Variants in FOXN3 observed in about 807,000 individuals in gnomAD.
FOXN3 encodes the protein forkhead box protein N3.
A neutral mutation model predicts 38.4 loss-of-function variants in FOXN3; 7 were observed. The observed-to-expected ratio is 0.18, with a 90% CI of 0.10 to 0.34. The LOEUF is 0.34. Among genes scored for constraint, FOXN3 ranks in the 10% least tolerant of loss-of-function variants. The probability of loss-of-function intolerance (pLI) is 1.00; values close to 1 mark genes in which losing one functional copy is unlikely to be tolerated. For missense variants in FOXN3, 456 were observed against 613.4 expected (o/e 0.74, Z 2.71); for synonymous variants, 230 against 242.2 (o/e 0.95, Z 0.47).
chr14:89,394,684 C>T (rs188909002), intron 2 of FOXN3, among the ~76,000 whole-genome samples: 5 of 152,354 alleles, frequency 3.3e-5, no homozygotes, highest in East Asian at 3.9e-4. Context: ...TACATGCATG[C>T]GCTGAGCGCC....
At chr14:89,517,421 G>A (rs952591394) in intron 1 of FOXN3, among the ~76,000 whole-genome samples, 4 of 150,478 alleles carry the variant, frequency 2.7e-5, no homozygotes, top group Non-Finnish European at 5.9e-5. Flanking sequence ...CAGGAAGCAC[G>A]ATGGCTTCTG....
chr14:89,222,149 C>T (rs574692234), intron 4 of FOXN3, among the ~76,000 whole-genome samples: 8 of 152,300 alleles, frequency 5.3e-5, no homozygotes, highest in Admixed American at 2.6e-4. Flanking sequence ...TAGTTGTCAC[C>T]GTGGAAACCC....
At chr14:89,562,288 T>C (rs1895266612) in intron 1 of FOXN3, among the ~76,000 whole-genome samples, 1 of 152,056 alleles carries the variant, frequency 6.6e-6, no homozygotes, top group Admixed American at 6.6e-5. Context: ...TGAGACAGAG[T>C]CTTGCTCTGT....
intron 2 of FOXN3, among the ~76,000 whole-genome samples, chr14:89,390,223 T>TA (rs1360678845): frequency 7.1e-6 from 1 of 139,864 alleles, no homozygotes. Flanking sequence ...GAGACTCCCT[T>TA]TAAAAAAAAA....
chr14:89,427,553 C>T (rs1215215983), intron 1 of FOXN3, among the ~76,000 whole-genome samples: 5 of 149,494 alleles, frequency 3.3e-5, no homozygotes, highest in African/African-American at 1.2e-4. Context: ...TCCTAGACCT[C>T]GTGATCCACC....
intron 1 of FOXN3, among the ~76,000 whole-genome samples, chr14:89,545,817 C>T (rs1347309533): frequency 3.3e-5 from 5 of 152,192 alleles, no homozygotes; most frequent in South Asian, 2.1e-4. Context: ...CCTTCACAAA[C>T]GCCACCCCAG....
Position 89,447,814 on chromosome 14 carries a change from C to CTTTTTTTTTT in FOXN3, c.-14-35334_-14-35325dup, listed in dbSNP as rs3057950. Among the ~76,000 whole-genome samples the CTTTTTTTTTT allele has an allele frequency of 5.0e-4, 46 of 92,798 alleles. 5 individuals carry two copies. Among genetic ancestry groups the CTTTTTTTTTT allele is most frequent in the African/African-American group, 1.4e-3 (33 of 23,976 alleles). 60.9% of individuals were successfully genotyped at this position (92,798 alleles called of 152,430 possible). A position where few individuals can be genotyped will look rare whatever the true frequency, so the allele number is the denominator to read the frequency against. ...CAGTGGTTTCCTGATGCCTTTCTTC[C>CTTTTTTTTTT]TTTTTTTTTTTTTTTTTTTTTTGAG... On this transcript the variant is annotated intron_variant, in intron 1 of 6. Transcript: ENST00000345097.
At chr14:89,442,765 ATTTACTCCAACCAGCCAGTC>A (rs1892413486) in intron 1 of FOXN3, among the ~76,000 whole-genome samples, 1 of 149,868 alleles carries the variant, frequency 6.7e-6, no homozygotes, top group South Asian at 2.1e-4. Flanking sequence ...ACCAGCCAGT[ATTTACTCCAACCAGCCAGTC>A]TTTCCCAGCC....
At chr14:89,456,308 T>G (rs998326936) in intron 1 of FOXN3, among the ~76,000 whole-genome samples, 18 of 152,064 alleles carry the variant, frequency 1.2e-4, no homozygotes, top group African/African-American at 4.3e-4. Context: ...TATGTGGGTA[T>G]CCCAGGCCCA....
chr14:89,548,391 C>G lies in FOXN3; in HGVS notation c.-15+70637G>C, dbSNP rs191524193. 2.0e-4 allele frequency among the ~76,000 whole-genome samples: 30 copies of G among 152,276 alleles called. No individual in the cohort carries two copies. Among genetic ancestry groups the G allele is most frequent in the Admixed American group, 1.6e-3 (24 of 15,290 alleles). ...AAGATGTGCACATATCACAGCATTACTTATTTATTTACTCTTGCTAATATA... is the reference window on the plus strand; with the variant it reads ...AAGATGTGCACATATCACAGCATTAGTTATTTATTTACTCTTGCTAATATA... On this transcript the variant is annotated intron_variant, in intron 1 of 6. Coordinates refer to the FOXN3 transcript ENST00000345097. The surrounding 1 kb of genome is among the most constrained non-coding windows in gnomAD (Gnocchi z 4.8).
At position 89,324,451 on chromosome 14, in the gene FOXN3, T is replaced by C. The variant is rs866880564; in HGVS notation, c.680+26221A>G. Among the ~76,000 whole-genome samples, 26 of 111,378 alleles carry C rather than the reference T, an allele frequency of 2.3e-4. 1 individual carries two copies. The highest frequency in any genetic ancestry group is 7.9e-4 in the African/African-American group (22 of 27,816). 73.1% of individuals were successfully genotyped at this position (111,378 alleles called of 152,430 possible). On this transcript the variant is annotated intron_variant, in intron 3 of 5. Transcript: ENST00000557258. ...AAACAGCTAAGTGTGTGCGTGTGTG[T>C]GTGTGTGTGTGTGTGTGTGTGTGTG...
At chr14:89,203,431 C>T (rs2139821705) in intron 4 of FOXN3, among the ~76,000 whole-genome samples, 1 of 152,300 alleles carries the variant, frequency 6.6e-6, no homozygotes, top group Non-Finnish European at 1.5e-5. Flanking sequence ...GTTCTCCCTC[C>T]CACATAGACC....
intron 4 of FOXN3, among the ~76,000 whole-genome samples, chr14:89,231,770 G>A (rs894685366): frequency 6.6e-6 from 1 of 152,108 alleles, no homozygotes; most frequent in Non-Finnish European, 1.5e-5. Flanking sequence ...CCTCTATGCT[G>A]GGGCACAAGG....
chr14:89,334,753 TTTGTTTTGAGACAGAATCTTGCTCC>T (rs568814108), intron 3 of FOXN3, among the ~76,000 whole-genome samples: 2,906 of 152,188 alleles, frequency 0.019, 53 homozygotes, highest in African/African-American at 0.038. Flanking sequence ...CTTTGTTTGT[TTTGTTTTGAGACAGAATCTTGCTCC>T]TTGTTTTGAG....
At chr14:89,323,547 C>T (rs1887955807) in intron 3 of FOXN3, among the ~76,000 whole-genome samples, 1 of 151,694 alleles carries the variant, frequency 6.6e-6, no homozygotes, top group Non-Finnish European at 1.5e-5. Flanking sequence ...GGTGAAACCC[C>T]GTCTCTACTA....
chr14:89,206,308 A>C (rs1888383981), intron 4 of FOXN3, among the ~76,000 whole-genome samples: 1 of 152,184 alleles, frequency 6.6e-6, no homozygotes, highest in Admixed American at 6.5e-5. Flanking sequence ...AAAGGAGGTG[A>C]GCTCGGGCCA....
At chr14:89,568,781 T>C (rs550155491) in intron 1 of FOXN3, among the ~76,000 whole-genome samples, 2 of 152,342 alleles carry the variant, frequency 1.3e-5, no homozygotes, top group South Asian at 4.1e-4. Flanking sequence ...ATAAATAAAA[T>C]GCTTATTTAT....
intron 1 of FOXN3, among the ~76,000 whole-genome samples, chr14:89,596,788 T>C (rs1896063310): frequency 6.6e-6 from 1 of 152,238 alleles, no homozygotes; most frequent in Non-Finnish European, 1.5e-5. Flanking sequence ...TCCTCTAAAA[T>C]GTCAAATATA....
chr14:89,524,518 A>G (rs565872746), intron 1 of FOXN3, among the ~76,000 whole-genome samples: 24 of 151,570 alleles, frequency 1.6e-4, no homozygotes, highest in African/African-American at 5.8e-4. Context: ...AAAATCAAAT[A>G]AAAACAAAAG....
Sources: allele counts gnomAD v4.1 joint callset (sites outside exome capture counted in the v4.1 genomes callset), GRCh38; gene constraint gnomAD v4.1.1; non-coding constraint Gnocchi (gnomAD v3.1); transcripts MANE v1.5; gene names NCBI Gene and HGNC (gene_info 2026-07-23, HGNC 2026-07-21).